Variants in KDM2A observed in about 807,000 individuals in gnomAD.
KDM2A encodes the protein lysine-specific demethylase 2A.
In KDM2A, 3 loss-of-function variants were observed where a neutral mutation model predicts 137.3. That is an observed-to-expected ratio of 0.02 (90% CI 0.01 to 0.06). The LOEUF (loss-of-function observed/expected upper bound fraction) is 0.06. KDM2A is among the 10% of genes least tolerant of loss of function. The pLI is 1.00. For synonymous variants in KDM2A, 512 were observed against 541.5 expected, an observed-to-expected ratio of 0.95 and a Z score of 0.76; for missense variants, 738 against 1,510.6, an observed-to-expected ratio of 0.49 and a Z score of 8.48.
intron 10 of KDM2A, among the ~76,000 whole-genome samples, chr11:67,225,479 TACA>T (rs1272829878): frequency 4.1e-5 from 6 of 147,222 alleles, no homozygotes; most frequent in South Asian, 2.2e-4. Flanking sequence ...CTACTAAAAA[TACA>T]ACAATTGGCC....
chr11:67,135,474 C>T (rs1855952338), intron 2 of KDM2A, among the ~76,000 whole-genome samples: 1 of 152,166 alleles, frequency 6.6e-6, no homozygotes, highest in African/African-American at 2.4e-5. Flanking sequence ...CTGAAGACCG[C>T]ATGATCACTC....
At chr11:67,214,291 G>A (rs1234729885) in intron 6 of KDM2A, among the ~76,000 whole-genome samples, 3 of 143,072 alleles carry the variant, frequency 2.1e-5, no homozygotes, top group South Asian at 2.2e-4. Context: ...TGCAAGCTCC[G>A]CCTCCCGGGT....
intron 10 of KDM2A, among the ~76,000 whole-genome samples, chr11:67,225,647 G>A (rs1006822229): frequency 3.3e-5 from 5 of 152,230 alleles, no homozygotes; most frequent in African/African-American, 7.2e-5. Context: ...GCGCATGCCT[G>A]TAATCCCAGC....
At chr11:67,122,520 G>GT (rs1249365453) in intron 2 of KDM2A, among the ~76,000 whole-genome samples, 2 of 151,880 alleles carry the variant, frequency 1.3e-5, no homozygotes, top group Non-Finnish European at 1.5e-5. Flanking sequence ...AGAGAACAGG[G>GT]TTTTACCATG....
chr11:67,142,414 G>A (rs1856126674), intron 2 of KDM2A, among the ~76,000 whole-genome samples: 1 of 150,726 alleles, frequency 6.6e-6, no homozygotes, highest in African/African-American at 2.4e-5. Flanking sequence ...ACTTTGGGAG[G>A]CCAAGGCAGG....
At chr11:67,136,116 A>G (rs987543063) in intron 2 of KDM2A, among the ~76,000 whole-genome samples, 12 of 152,164 alleles carry the variant, frequency 7.9e-5, no homozygotes, top group Non-Finnish European at 1.5e-4. Context: ...TAAAAACCCA[A>G]TCTCATGGAT....
chr11:67,153,232 G>A (rs1243531514), intron 2 of KDM2A, among the ~76,000 whole-genome samples: 2 of 152,040 alleles, frequency 1.3e-5, no homozygotes. Context: ...TGATCGACCC[G>A]CCTCGGCCTC....
At chr11:67,157,148 C>G (rs1856533768) in intron 2 of KDM2A, among the ~76,000 whole-genome samples, 1 of 150,906 alleles carries the variant, frequency 6.6e-6, no homozygotes, top group Non-Finnish European at 1.5e-5. Context: ...CCCGTCTCTA[C>G]TAAAAATACA....
At chr11:67,199,414 T>C (rs1267176334) in intron 5 of KDM2A, among the ~76,000 whole-genome samples, 1 of 152,188 alleles carries the variant, frequency 6.6e-6, no homozygotes, top group African/African-American at 2.4e-5. Context: ...TTAACCAAGA[T>C]GTGAATGCAA....
chr11:67,250,906 T>G lies in KDM2A; in HGVS notation c.2768+108T>G. The G allele has an allele frequency of 4.7e-6, 4 of 848,460 alleles. No homozygotes were observed. Among genetic ancestry groups the G allele is most frequent in the East Asian group, 2.5e-5 (1 of 40,328 alleles). 52.6% of individuals were successfully genotyped at this position (848,460 alleles called of 1,614,324 possible). On this transcript the variant is annotated intron_variant, in intron 17 of 20. Coordinates refer to ENST00000529006, the MANE Select transcript of KDM2A (RefSeq NM_012308.3). The surrounding 1 kb of genome is among the most constrained non-coding windows in gnomAD (Gnocchi z 7.1). ...GCATCTGAAAGCCTGTGGGGTCTTA[T>G]GAGGAGTGAATTGACCCTTTTTCCC...
intron 2 of KDM2A, among the ~76,000 whole-genome samples, chr11:67,127,582 C>T (rs1013206534): frequency 2.6e-5 from 4 of 152,172 alleles, no homozygotes; most frequent in Non-Finnish European, 5.9e-5. Context: ...AATCATTTAT[C>T]TGTTACAAGG....
At chr11:67,163,445 A>G (rs1374373489) in intron 2 of KDM2A, among the ~76,000 whole-genome samples, 1 of 152,190 alleles carries the variant, frequency 6.6e-6, no homozygotes, top group Non-Finnish European at 1.5e-5. Context: ...AATGATAAAG[A>G]AGGACATTTA....
At chr11:67,138,624 C>A (rs2136290972) in intron 2 of KDM2A, among the ~76,000 whole-genome samples, 1 of 152,252 alleles carries the variant, frequency 6.6e-6, no homozygotes, top group Admixed American at 6.5e-5. Flanking sequence ...CTACCAAAAA[C>A]ACAAAAATTA....
chr11:67,240,231 T>C, intron 12 of KDM2A: 1 of 1,535,568 alleles, frequency 6.5e-7, no homozygotes, highest in Non-Finnish European at 8.7e-7. Flanking sequence ...GATTCCAGAA[T>C]ATTCAAGTAA....
chr11:67,236,285 C>T (rs1295550930), intron 12 of KDM2A, among the ~76,000 whole-genome samples: 1 of 152,052 alleles, frequency 6.6e-6, no homozygotes, highest in African/African-American at 2.4e-5. Context: ...TGTGTGCCAC[C>T]ACGCCTGGCT....
Position 67,254,783 on chromosome 11 carries a change from G to GGA in KDM2A, c.3308-91_3308-90insGA, listed in dbSNP as rs1407797563. 289 of 1,238,004 alleles carry GGA rather than the reference G, an allele frequency of 2.3e-4. No homozygotes were observed. The highest frequency in any genetic ancestry group is 3.0e-4 in the Non-Finnish European group (260 of 874,740). The allele number at this position is 1,238,004 out of a possible 1,614,324, so 76.7% of individuals were successfully genotyped here. A position where few individuals can be genotyped will look rare whatever the true frequency, so the allele number is the denominator to read the frequency against. ...GTGGGACAAAGAGGGCTTTTGTTTA[G>GGA]CATTTTGAAGGAAAGACGGCTACAG... is the stretch of plus-strand genomic sequence containing the variant. On this transcript the variant is annotated intron_variant, in intron 20 of 20. Coordinates refer to ENST00000529006, the MANE Select transcript of KDM2A (RefSeq NM_012308.3). This position sits in a 1 kb window ranked among gnomAD's most constrained non-coding sequence, Gnocchi z 4.7.
intron 12 of KDM2A, among the ~76,000 whole-genome samples, chr11:67,242,626 A>G (rs971658674): frequency 6.6e-6 from 1 of 152,156 alleles, no homozygotes; most frequent in South Asian, 2.1e-4. Flanking sequence ...CAAGTAAGGG[A>G]TTGGGAACAA....
chr11:67,182,013 ACATTTT>A, intron 5 of KDM2A, 121 bp downstream of exon 5: 1 of 807,120 alleles, frequency 1.2e-6, no homozygotes, highest in Non-Finnish European at 2.0e-6. Flanking sequence ...ATTAGAAACT[ACATTTT>A]CATTAGGAAC....
chr11:67,203,786 C>T (rs1482310150), intron 5 of KDM2A, among the ~76,000 whole-genome samples: 3 of 150,598 alleles, frequency 2.0e-5, no homozygotes, highest in Non-Finnish European at 3.0e-5. Context: ...CTTTCCTCTA[C>T]ATTCTTTTTT....
Sources: allele counts gnomAD v4.1 joint callset (sites outside exome capture counted in the v4.1 genomes callset), GRCh38; gene constraint gnomAD v4.1.1; non-coding constraint Gnocchi (gnomAD v3.1); transcripts MANE v1.5; gene names NCBI Gene and HGNC (gene_info 2026-07-23, HGNC 2026-07-21).